Variants in KCNQ5 observed in about 807,000 individuals in gnomAD.
KCNQ5 encodes the protein potassium voltage-gated channel subfamily Q member 5.
Under a neutral mutation model 98.2 loss-of-function variants are expected in KCNQ5, and 30 were observed. The observed-to-expected ratio is 0.31, with a 90% confidence interval of 0.23 to 0.41. The LOEUF (loss-of-function observed/expected upper bound fraction) is 0.41. KCNQ5 is among the 10% of genes least tolerant of loss of function. KCNQ5 has a pLI of 1.00. For synonymous variants in KCNQ5, 458 were observed against 449.4 expected, an observed-to-expected ratio of 1.02 and a Z score of -0.24; for missense variants, 835 against 1,182.5, an observed-to-expected ratio of 0.71 and a Z score of 4.31.
In KCNQ5 at chr6:72,794,150, G is replaced by A. The variant is rs1774204008; in HGVS notation, c.398+171563G>A. 2.0e-5 allele frequency among the ~76,000 whole-genome samples: 3 copies of A among 152,162 alleles called. No individual in the cohort carries two copies. The South Asian group carries it at 6.2e-4, about 31-fold the overall frequency. On this transcript the variant is annotated intron_variant, in intron 1 of 13. Coordinates refer to ENST00000370398, the MANE Select transcript of KCNQ5 (RefSeq NM_019842.4). ...TGCATATGAATGTCAGTGCACGTTG[G>A]TGCATTCATGCTTCCTATTTATAGC...
intron 1 of KCNQ5, among the ~76,000 whole-genome samples, chr6:72,705,397 T>C (rs1162737019): frequency 6.6e-6 from 1 of 152,164 alleles, no homozygotes; most frequent in Non-Finnish European, 1.5e-5. Context: ...TGCCAAGATA[T>C]AGATGTTAGA....
At chr6:72,832,437 C>T (rs1776317569) in intron 1 of KCNQ5, among the ~76,000 whole-genome samples, 1 of 152,068 alleles carries the variant, frequency 6.6e-6, no homozygotes, top group East Asian at 1.9e-4. Flanking sequence ...ATACCACTGG[C>T]ATCCCTGGGT....
chr6:73,133,685 T>A, intron 10 of KCNQ5, 44 bp downstream of exon 10: 1 of 1,511,600 alleles, frequency 6.6e-7, no homozygotes, highest in Non-Finnish European at 9.2e-7. Flanking sequence ...GGATAGGCTA[T>A]AGTGAGTGAG....
intron 1 of KCNQ5, among the ~76,000 whole-genome samples, chr6:72,740,792 A>T (rs952022461): frequency 1.5e-4 from 23 of 152,286 alleles, no homozygotes; most frequent in African/African-American, 5.5e-4. Context: ...CTATAGGTAG[A>T]TCCCTAAGGA....
chr6:72,854,287 G>C (rs1332635029), intron 1 of KCNQ5, among the ~76,000 whole-genome samples: 1 of 151,974 alleles, frequency 6.6e-6, no homozygotes, highest in Non-Finnish European at 1.5e-5. Flanking sequence ...TTTAAAATTT[G>C]GTTGTATTGA....
At chr6:73,066,762 G>A (rs1341823624) in intron 3 of KCNQ5, among the ~76,000 whole-genome samples, 1 of 152,118 alleles carries the variant, frequency 6.6e-6, no homozygotes, top group African/African-American at 2.4e-5. Flanking sequence ...ATTAAACTAG[G>A]CATAGTTCAA....
intron 11 of KCNQ5, 35 bp downstream of exon 11, chr6:73,169,889 C>A: frequency 7.7e-7 from 1 of 1,301,108 alleles, no homozygotes; most frequent in Non-Finnish European, 1.1e-6. Context: ...GATTCAGAGA[C>A]ATACTTATGA....
At chr6:72,684,556 T>C (rs1767859350) in intron 1 of KCNQ5, among the ~76,000 whole-genome samples, 1 of 152,208 alleles carries the variant, frequency 6.6e-6, no homozygotes, top group Non-Finnish European at 1.5e-5. Flanking sequence ...ATTGTATACA[T>C]GTATCAAAAT....
rs541483522 is a variant in KCNQ5, at chr6:73,055,769, A to G, written c.616+13707A>G. The G allele has an allele frequency of 3.9e-4, 384 of 973,968 alleles. 3 individuals carry two copies. The highest frequency in any genetic ancestry group is 7.6e-5 in the Non-Finnish European group (46 of 608,336). The allele number at this position is 973,968 out of a possible 1,614,324, so 60.3% of individuals were successfully genotyped here. Reference sequence around the variant, plus strand: ...ATTGGACAAGAACTTGAAGCCCATCAAGCCCAGCCCACGCAGTTCCTAGGG... The same window carrying G: ...ATTGGACAAGAACTTGAAGCCCATCGAGCCCAGCCCACGCAGTTCCTAGGG... On this transcript the variant is annotated intron_variant, in intron 3 of 13. Transcript: ENST00000370398.
intron 1 of KCNQ5, among the ~76,000 whole-genome samples, chr6:72,877,003 T>C (rs1483665592): frequency 6.6e-6 from 1 of 152,214 alleles, no homozygotes; most frequent in Non-Finnish European, 1.5e-5. Context: ...TGGTTTTTCA[T>C]GGTCTGTCCC....
At chr6:72,657,870 G>A (rs772272425) in intron 1 of KCNQ5, among the ~76,000 whole-genome samples, 6 of 152,244 alleles carry the variant, frequency 3.9e-5, no homozygotes, top group Non-Finnish European at 8.8e-5. Context: ...TTCGTACTTT[G>A]TGACTTCTCC....
intron 1 of KCNQ5, among the ~76,000 whole-genome samples, chr6:72,831,028 G>A (rs1404404340): frequency 6.6e-6 from 1 of 152,030 alleles, no homozygotes; most frequent in Non-Finnish European, 1.5e-5. Flanking sequence ...AAAACCATGA[G>A]ATACCATCTC....
intron 1 of KCNQ5, among the ~76,000 whole-genome samples, chr6:72,888,331 C>T (rs1477699997): frequency 6.6e-6 from 1 of 152,086 alleles, no homozygotes; most frequent in Non-Finnish European, 1.5e-5. Context: ...TTTACAAAAG[C>T]AGAGAACATA....
chr6:73,002,927 A>G (rs990362998), intron 1 of KCNQ5, among the ~76,000 whole-genome samples: 2 of 152,192 alleles, frequency 1.3e-5, no homozygotes, highest in Non-Finnish European at 2.9e-5. Context: ...TTTCAGGGGA[A>G]GCAAGGAGGA....
chr6:73,031,091 G>C (rs1452505419), intron 2 of KCNQ5, among the ~76,000 whole-genome samples: 1 of 152,276 alleles, frequency 6.6e-6, no homozygotes, highest in South Asian at 2.1e-4. Flanking sequence ...AAATAAAAGG[G>C]ATAAACTGTC....
At chr6:72,855,105 T>C (rs969449082) in intron 1 of KCNQ5, among the ~76,000 whole-genome samples, 1 of 152,108 alleles carries the variant, frequency 6.6e-6, no homozygotes, top group African/African-American at 2.4e-5. Context: ...AATTATTATG[T>C]TCTCACCAAG....
intron 1 of KCNQ5, among the ~76,000 whole-genome samples, chr6:72,828,515 C>T (rs780098540): frequency 6.6e-6 from 1 of 151,530 alleles, no homozygotes; most frequent in Admixed American, 6.6e-5. Context: ...TTCTTGATTT[C>T]TTTTTGTTAG....
intron 1 of KCNQ5, among the ~76,000 whole-genome samples, chr6:72,957,373 G>A (rs1406238237): frequency 6.6e-6 from 1 of 151,708 alleles, no homozygotes; most frequent in Non-Finnish European, 1.5e-5. Flanking sequence ...GTTTCACCAT[G>A]TTGGCCAGGC....
chr6:73,028,951 C>T (rs1771011051), intron 2 of KCNQ5, among the ~76,000 whole-genome samples: 1 of 152,086 alleles, frequency 6.6e-6, no homozygotes, highest in African/African-American at 2.4e-5. Context: ...AGATCAGTTC[C>T]CTCCTATACT....
Sources: allele counts gnomAD v4.1 joint callset (sites outside exome capture counted in the v4.1 genomes callset), GRCh38; gene constraint gnomAD v4.1.1; transcripts MANE v1.5; gene names NCBI Gene and HGNC (gene_info 2026-07-23, HGNC 2026-07-21).